The following ATXN3 variants were observed in gnomAD, a reference collection of about 807,000 sequenced individuals.
ATXN3 encodes ataxin 3, also known as ataxin-3.
Under a neutral mutation model 58.2 loss-of-function variants are expected in ATXN3, and 28 were observed. The ratio of observed to expected loss-of-function variants is 0.48; its 90% CI spans 0.36 to 0.66. The LOEUF (loss-of-function observed/expected upper bound fraction) is 0.66. Ranked by LOEUF, ATXN3 falls within the 30% of genes least tolerant of loss-of-function variation. The pLI, the probability that ATXN3 is intolerant of heterozygous loss-of-function variation, is 0.00. For missense variants in ATXN3, 321 were observed against 422.1 expected (o/e 0.76, Z 2.10); for synonymous variants, 113 against 138.5 (o/e 0.82, Z 1.29).
chr14:92,074,764 G>A (rs1248178448), intron 9 of ATXN3, among the ~76,000 whole-genome samples: 1 of 152,180 alleles, frequency 6.6e-6, no homozygotes, highest in African/African-American at 2.4e-5. Context: ...TATCACTGAA[G>A]TGGTGGCTCA....
intron 1 of ATXN3, chr14:92,048,089 C>T (rs762773845): frequency 2.0e-5 from 3 of 152,248 alleles, no homozygotes; most frequent in Non-Finnish European, 4.4e-5. Context: ...CCAGTGGGGT[C>T]CTGCACAGAT....
intron 8 of ATXN3, 65 bp downstream of exon 8, chr14:92,082,235 A>G: frequency 6.6e-7 from 1 of 1,511,114 alleles, no homozygotes; most frequent in Non-Finnish European, 9.0e-7. Context: ...AACTTCCATG[A>G]AATCTAAGAA....
chr14:92,051,059 A>C (rs973101785), upstream of ATXN3, among the ~76,000 whole-genome samples: 1 of 152,200 alleles, frequency 6.6e-6, no homozygotes, highest in Non-Finnish European at 1.5e-5. Context: ...TTTTCTTATT[A>C]ATTTTAGACA....
intron 3 of ATXN3, 64 bp from the exon 4 acceptor site, chr14:92,093,895 G>A (rs1283905255): frequency 1.0e-6 from 1 of 999,280 alleles, no homozygotes; most frequent in Non-Finnish European, 1.6e-6. Flanking sequence ...AGGAAGTGTA[G>A]CTATGTTAGT....
In ATXN3 at chr14:92,106,272, C is replaced by G. The variant is rs888269362; in HGVS notation, c.24+257G>C. On this transcript the variant is annotated intron_variant, in intron 1 of 10. Coordinates refer to ENST00000644486, the MANE Select transcript of ATXN3 (RefSeq NM_004993.6). ...CAAACCCACTGGGCGCCACCCCACT[C>G]CCGTGTCCCGAGACGCCCCCGGCCC... Among the ~76,000 whole-genome samples, 6 of 152,172 alleles carry G rather than the reference C, an allele frequency of 3.9e-5. No homozygotes were observed. The South Asian group carries it at 6.2e-4, about 16-fold the overall frequency.
intron 1 of ATXN3, among the ~76,000 whole-genome samples, chr14:92,100,881 T>A (rs539972120): frequency 3.9e-5 from 6 of 152,182 alleles, no homozygotes; most frequent in Non-Finnish European, 7.3e-5. Flanking sequence ...ATCTAATTTT[T>A]AAAAAATTCA....
At chr14:92,069,584 G>A (rs2059095455) in intron 10 of ATXN3, among the ~76,000 whole-genome samples, 1 of 151,988 alleles carries the variant, frequency 6.6e-6, no homozygotes, top group Non-Finnish European at 1.5e-5. Context: ...TGTTGGCCAG[G>A]CTGGTCTCGA....
chr14:92,055,935 TAGG>T (rs1232271170), downstream of ATXN3, among the ~76,000 whole-genome samples: 70 of 152,194 alleles, frequency 4.6e-4, no homozygotes, highest in African/African-American at 1.6e-3. This position sits in a 1 kb window ranked among gnomAD's most constrained non-coding sequence, Gnocchi z 4.5. Context: ...CACTCCAGCT[TAGG>T]TGACAGAACG....
chr14:92,057,275 G>C (rs1338064445), downstream of ATXN3, among the ~76,000 whole-genome samples: 4 of 152,164 alleles, frequency 2.6e-5, no homozygotes, highest in African/African-American at 9.7e-5. Flanking sequence ...AATTAGCTGG[G>C]CGTGGTGGTG....
downstream of ATXN3, among the ~76,000 whole-genome samples, chr14:92,055,562 A>G (rs1388997684): frequency 2.6e-5 from 4 of 152,146 alleles, no homozygotes; most frequent in Non-Finnish European, 5.9e-5. The surrounding 1 kb of genome is among the most constrained non-coding windows in gnomAD (Gnocchi z 4.5). Flanking sequence ...TTCTGTCTCT[A>G]TGAGTTTGAC....
At chr14:92,067,674 G>C (rs539757716) in intron 10 of ATXN3, among the ~76,000 whole-genome samples, 89 of 152,338 alleles carry the variant, frequency 5.8e-4, no homozygotes, top group African/African-American at 2.0e-3. Context: ...TGGGATTACA[G>C]GTGTGAGCCA....
upstream of ATXN3, among the ~76,000 whole-genome samples, chr14:92,051,718 CTTTTTTTTTT>C (rs1160650510): frequency 8.4e-5 from 3 of 35,692 alleles, no homozygotes; most frequent in African/African-American, 3.4e-4. Flanking sequence ...CTTTTCCTTT[CTTTTTTTTTT>C]TTTTTTTTTT....
Position 92,106,567 on chromosome 14 carries a change from A to C in ATXN3, c.-15T>G. ...ATGGACTCCATGTTTATTTGTCTGG[A>C]GCCAACGGCCCCCACGCCGAACCAC... On this transcript the variant is annotated 5_prime_UTR_variant, in exon 1 of 11. Transcript: ENST00000644486. The C allele has an allele frequency of 9.9e-6, 16 of 1,612,588 alleles. No homozygotes were observed. Among genetic ancestry groups the C allele is most frequent in the Non-Finnish European group, 1.4e-5 (16 of 1,179,294 alleles).
chr14:92,051,638 A>ATT (rs1224103885), upstream of ATXN3, among the ~76,000 whole-genome samples: 4 of 68,784 alleles, frequency 5.8e-5, no homozygotes, highest in Non-Finnish European at 9.7e-5. Context: ...ATTTATTTTA[A>ATT]TTTTTTTTTT....
intron 6 of ATXN3, among the ~76,000 whole-genome samples, chr14:92,086,432 G>A (rs557062918): frequency 1.3e-5 from 2 of 151,718 alleles, no homozygotes; most frequent in Non-Finnish European, 2.9e-5. Flanking sequence ...AGGCATGGTG[G>A]CACATGCCTG....
chr14:92,092,894 ACT>A (rs1291280557), intron 5 of ATXN3, among the ~76,000 whole-genome samples: 5 of 149,248 alleles, frequency 3.4e-5, no homozygotes, highest in African/African-American at 9.9e-5. Context: ...GAACAGTCTT[ACT>A]CTGTCACCCA....
upstream of ATXN3, among the ~76,000 whole-genome samples, chr14:92,050,106 G>C (rs534027584): frequency 4.6e-5 from 7 of 151,988 alleles, no homozygotes; most frequent in South Asian, 1.0e-3. Flanking sequence ...GTGATGTCTT[G>C]GATGTGCTTC....
At chr14:92,064,759 T>C (rs973928537) in intron 10 of ATXN3, among the ~76,000 whole-genome samples, 3 of 152,352 alleles carry the variant, frequency 2.0e-5, no homozygotes, top group Non-Finnish European at 4.4e-5. Flanking sequence ...CTTTTGAATA[T>C]GGCTTCTTTC....
intron 1 of ATXN3, among the ~76,000 whole-genome samples, chr14:92,048,552 GAA>G (rs2057436985): frequency 6.6e-6 from 1 of 152,162 alleles, no homozygotes; most frequent in South Asian, 2.1e-4. Flanking sequence ...TATATTTGAT[GAA>G]AAAGAGCCTA....
Sources: allele counts gnomAD v4.1 joint callset (sites outside exome capture counted in the v4.1 genomes callset), GRCh38; gene constraint gnomAD v4.1.1; non-coding constraint Gnocchi (gnomAD v3.1); transcripts MANE v1.5; gene names NCBI Gene and HGNC (gene_info 2026-07-23, HGNC 2026-07-21).